Variants in NELL2 observed in about 807,000 individuals in gnomAD.
NELL2 encodes neural EGFL like 2.
In NELL2, 41 loss-of-function variants were observed where a neutral mutation model predicts 109.6. The ratio of observed to expected loss-of-function variants is 0.37; its 90% CI spans 0.29 to 0.49. The LOEUF (loss-of-function observed/expected upper bound fraction) is 0.49, where lower values mean the gene tolerates loss of function less well. NELL2 is among the 20% of genes least tolerant of loss of function. The probability of loss-of-function intolerance (pLI) is 0.98; values close to 1 mark genes in which losing one functional copy is unlikely to be tolerated. For missense variants in NELL2, 900 were observed against 1,008.3 expected (o/e 0.89, Z 1.45); for synonymous variants, 355 against 344.7 (o/e 1.03, Z -0.33).
chr12:44,879,689 C>T (rs868076381), upstream of NELL2, among the ~76,000 whole-genome samples: 10 of 151,810 alleles, frequency 6.6e-5, no homozygotes, highest in African/African-American at 2.4e-4. Context: ...ATTTTGGAAG[C>T]CAGAAAAGAT....
intron 11 of NELL2, among the ~76,000 whole-genome samples, 154 bp from the exon 12 acceptor site, chr12:44,704,008 T>C (rs761686856): frequency 4.6e-5 from 7 of 152,196 alleles, no homozygotes; most frequent in Non-Finnish European, 8.8e-5. Flanking sequence ...TCACATGCTA[T>C]GAGTACCAAA....
rs1286233178 is a variant in NELL2 at position 44,813,738 on chromosome 12, C to A, written c.335+2248G>T. ...CATGATTGTATCAATTTTCCTATTT[C>A]TTTCTGTCAGTTTTCCAAATTTTTT... On this transcript the variant is annotated intron_variant, in intron 3 of 19. Coordinates refer to ENST00000429094, the MANE Select transcript of NELL2 (RefSeq NM_001145108.2). 2.0e-5 allele frequency among the ~76,000 whole-genome samples: 3 copies of A among 152,118 alleles called. No individual in the cohort carries two copies. In the South Asian group the frequency reaches 6.2e-4, roughly 31 times the overall value.
At chr12:44,694,779 G>T (rs188156628) in intron 12 of NELL2, among the ~76,000 whole-genome samples, 65 of 152,174 alleles carry the variant, frequency 4.3e-4, no homozygotes, top group African/African-American at 1.5e-3. Context: ...ATCCAGCAGG[G>T]ACTTGTGTGC....
At chr12:44,600,909 T>G (rs1172802075) in intron 15 of NELL2, among the ~76,000 whole-genome samples, 1 of 152,164 alleles carries the variant, frequency 6.6e-6, no homozygotes, top group African/African-American at 2.4e-5. Context: ...TTCAATTAAT[T>G]TTAAAACAAA....
At chr12:44,580,856 C>T (rs771019154) in intron 15 of NELL2, among the ~76,000 whole-genome samples, 1 of 152,084 alleles carries the variant, frequency 6.6e-6, no homozygotes, top group Non-Finnish European at 1.5e-5. Context: ...TTTTATATAA[C>T]AAATGCCTAT....
intron 9 of NELL2, among the ~76,000 whole-genome samples, chr12:44,755,423 T>G (rs967543932): frequency 6.6e-6 from 1 of 151,968 alleles, no homozygotes; most frequent in African/African-American, 2.4e-5. Flanking sequence ...CACTGCTGAC[T>G]TTGAAATCTG....
intron 12 of NELL2, among the ~76,000 whole-genome samples, chr12:44,684,396 G>C (rs1043674886): frequency 6.6e-6 from 1 of 152,002 alleles, no homozygotes; most frequent in Non-Finnish European, 1.5e-5. Context: ...TTTTTGAAGG[G>C]TTTTTTGTGT....
chr12:44,655,282 C>A (rs977197052), intron 13 of NELL2, among the ~76,000 whole-genome samples: 5 of 152,130 alleles, frequency 3.3e-5, no homozygotes, highest in African/African-American at 1.2e-4. Flanking sequence ...AAAGACCAAA[C>A]TATGGCCAGC....
chr12:44,663,761 C>G (rs1334149444), intron 13 of NELL2, among the ~76,000 whole-genome samples: 1 of 152,146 alleles, frequency 6.6e-6, no homozygotes, highest in Non-Finnish European at 1.5e-5. Context: ...GATTTATATC[C>G]AACAGACTCA....
intron 13 of NELL2, among the ~76,000 whole-genome samples, chr12:44,643,746 T>C (rs1946945948): frequency 6.6e-6 from 1 of 152,218 alleles, no homozygotes; most frequent in African/African-American, 2.4e-5. Flanking sequence ...TATGTGTATT[T>C]GGTTTCCCCT....
rs1318823202 is a variant in NELL2, at chr12:44,776,139, A to C, written c.774T>G (p.Ala258=). 2 of 1,613,724 alleles carry C rather than the reference A, an allele frequency of 1.2e-6. No homozygotes were observed. Among genetic ancestry groups the C allele is most frequent in the East Asian group, 4.5e-5 (2 of 44,852 alleles). Residue 258 remains alanine, a synonymous_variant, in exon 8 of 20, where the codon GCT becomes GCG. Coordinates refer to ENST00000429094, the MANE Select transcript of NELL2 (RefSeq NM_001145108.2). ...GATCCAATCTATTCATTCGCTGTTC[A>C]GCTCGAGACAGCTGTGGCACAAAAG... ...LAKTSAKLSR[A]EQRMNRLDQC...
intron 19 of NELL2, among the ~76,000 whole-genome samples, chr12:44,515,833 T>A (rs2138967989): frequency 6.6e-6 from 1 of 152,094 alleles, no homozygotes; most frequent in African/African-American, 2.4e-5. Flanking sequence ...CCTTTGAAAA[T>A]CAAGATTAGA....
intron 13 of NELL2, among the ~76,000 whole-genome samples, chr12:44,622,071 C>T (rs1481683352): frequency 1.3e-5 from 2 of 152,058 alleles, no homozygotes; most frequent in Non-Finnish European, 1.5e-5. Context: ...TAACGCCTGC[C>T]ACGTTTTAGG....
At chr12:44,517,243 T>C (rs1418822898) in intron 19 of NELL2, among the ~76,000 whole-genome samples, 2 of 152,164 alleles carry the variant, frequency 1.3e-5, no homozygotes, top group African/African-American at 4.8e-5. Flanking sequence ...TTTATAGGTA[T>C]TTTTTCCTTA....
intron 9 of NELL2, among the ~76,000 whole-genome samples, chr12:44,746,297 T>C (rs1240206253): frequency 5.9e-5 from 9 of 152,010 alleles, no homozygotes; most frequent in Admixed American, 3.9e-4. Context: ...AAAAATTAAC[T>C]CAAGATGGAT....
At chr12:44,695,224 A>G (rs979519956) in intron 12 of NELL2, among the ~76,000 whole-genome samples, 4 of 150,866 alleles carry the variant, frequency 2.7e-5, no homozygotes, top group Non-Finnish European at 5.9e-5. Context: ...GGTTGGTTAC[A>G]TGATTTCTCT....
intron 9 of NELL2, among the ~76,000 whole-genome samples, chr12:44,721,756 A>G (rs998646687): frequency 4.6e-5 from 7 of 151,326 alleles, no homozygotes; most frequent in Admixed American, 4.6e-4. Context: ...GTGCTCAACT[A>G]AGAGATTACA....
At chr12:44,775,677 A>T (rs1941730676) in intron 8 of NELL2, among the ~76,000 whole-genome samples, 1 of 152,184 alleles carries the variant, frequency 6.6e-6, no homozygotes, top group African/African-American at 2.4e-5. Context: ...AGTTTCATGA[A>T]AATGCATTCA....
chr12:44,525,732 C>G (rs1941737623), intron 16 of NELL2, among the ~76,000 whole-genome samples: 2 of 152,196 alleles, frequency 1.3e-5, no homozygotes, highest in South Asian at 4.1e-4. Flanking sequence ...ATCCATTTGT[C>G]AGTGTCAGCT....
Sources: gnomAD v4.1 joint callset for allele counts (sites outside exome capture counted in the v4.1 genomes callset) on GRCh38, gnomAD v4.1.1 for gene constraint, MANE v1.5 for transcripts, NCBI Gene and HGNC (gene_info 2026-07-23, HGNC 2026-07-21) for gene names.